PTPRK: variants seen among roughly 807,000 people sequenced by gnomAD.
PTPRK encodes the protein protein tyrosine phosphatase receptor type K.
PTPRK carries 75 observed loss-of-function variants against 178.0 expected under a neutral mutation model. The ratio of observed to expected loss-of-function variants is 0.42; its 90% confidence interval spans 0.35 to 0.51. The LOEUF is 0.51. Ranked by LOEUF, PTPRK falls within the 20% of genes least tolerant of loss-of-function variation. The pLI, the probability that PTPRK is intolerant of heterozygous loss-of-function variation, is 0.02. For synonymous variants in PTPRK, 637 were observed against 620.6 expected (o/e 1.03, Z -0.39); for missense variants, 1,441 against 1,797.8 (o/e 0.80, Z 3.59).
At chr6:128,352,934 AT>A (rs1307433302) in intron 2 of PTPRK, among the ~76,000 whole-genome samples, 1 of 152,162 alleles carries the variant, frequency 6.6e-6, no homozygotes, top group South Asian at 2.1e-4. Context: ...AAAAACTGTC[AT>A]TTTTTACAAA....
At chr6:128,410,116 T>A (rs1842134575) in intron 1 of PTPRK, among the ~76,000 whole-genome samples, 1 of 152,164 alleles carries the variant, frequency 6.6e-6, no homozygotes, top group African/African-American at 2.4e-5. Flanking sequence ...ATGGAGGAAG[T>A]CAGGCTGGAG....
At chr6:128,160,416 A>G (rs1798543299) in intron 7 of PTPRK, among the ~76,000 whole-genome samples, 1 of 151,742 alleles carries the variant, frequency 6.6e-6, no homozygotes, top group South Asian at 2.1e-4. Flanking sequence ...CACGAGATAT[A>G]CTCCCATTAG....
intron 7 of PTPRK, among the ~76,000 whole-genome samples, chr6:128,163,621 G>A (rs1798985338): frequency 6.6e-6 from 1 of 151,420 alleles, no homozygotes; most frequent in African/African-American, 2.4e-5. Context: ...GCAGTCTACT[G>A]AAGCTTAGTC....
intron 3 of PTPRK, among the ~76,000 whole-genome samples, chr6:128,275,178 C>G (rs1285072698): frequency 2.0e-5 from 3 of 151,890 alleles, no homozygotes; most frequent in Non-Finnish European, 2.9e-5. Flanking sequence ...AGACACAAAG[C>G]TACAGTTACT....
chr6:128,006,256 G>A (rs910867486), intron 14 of PTPRK, among the ~76,000 whole-genome samples: 5 of 150,838 alleles, frequency 3.3e-5, no homozygotes, highest in African/African-American at 1.2e-4. Flanking sequence ...AGACAGATAT[G>A]CAATATAAAA....
chr6:128,045,481 T>C (rs769139522), intron 13 of PTPRK, among the ~76,000 whole-genome samples: 1 of 152,038 alleles, frequency 6.6e-6, no homozygotes, highest in Non-Finnish European at 1.5e-5. Context: ...ATTTTGTCCA[T>C]TCTAAGAGGG....
chr6:128,376,746 C>A (rs1837138360), intron 2 of PTPRK, among the ~76,000 whole-genome samples: 1 of 152,174 alleles, frequency 6.6e-6, no homozygotes, highest in Non-Finnish European at 1.5e-5. Context: ...ACCCAAGTCA[C>A]TCTTGAATGC....
intron 3 of PTPRK, among the ~76,000 whole-genome samples, chr6:128,311,540 C>T (rs548071890): frequency 2.0e-5 from 3 of 152,220 alleles, no homozygotes; most frequent in African/African-American, 4.8e-5. Flanking sequence ...GTATGGCTGG[C>T]CCCTTACACA....
chr6:128,495,038 T>G (rs184109352), intron 1 of PTPRK, among the ~76,000 whole-genome samples: 2 of 152,354 alleles, frequency 1.3e-5, no homozygotes. Flanking sequence ...ATATAAGAAT[T>G]TTAAAAATAT....
intron 7 of PTPRK, among the ~76,000 whole-genome samples, chr6:128,110,311 G>A (rs991050826): frequency 5.9e-5 from 9 of 152,094 alleles, no homozygotes; most frequent in South Asian, 2.1e-4. Context: ...TTTACAAAAT[G>A]TCTACATCAA....
chr6:128,024,961 G>A (rs1261192997), intron 13 of PTPRK, among the ~76,000 whole-genome samples: 1 of 144,942 alleles, frequency 6.9e-6, no homozygotes, highest in South Asian at 2.2e-4. Flanking sequence ...GAATATGAGA[G>A]AATAGAATGT....
intron 1 of PTPRK, among the ~76,000 whole-genome samples, chr6:128,409,096 G>A (rs749621933): frequency 2.6e-5 from 4 of 152,228 alleles, no homozygotes; most frequent in South Asian, 4.1e-4. Flanking sequence ...TCCTAGCCAC[G>A]AACTGTTTCA....
rs985866736 is a variant in PTPRK at position 128,272,615 on chromosome 6, G to A, written c.496-30013C>T. On this transcript the variant is annotated intron_variant, in intron 3 of 29. Transcript: ENST00000368226. ...CAACAGACACGTGAAAAAATGCTCA[G>A]CATCACTGGCCCTCAGAGAAATGCA... is the stretch of plus-strand genomic sequence containing the variant. Among the ~76,000 whole-genome samples, 10 of 152,170 alleles carry A rather than the reference G, an allele frequency of 6.6e-5. No individual in the cohort carries two copies. The East Asian group carries it at 1.5e-3, about 24-fold the overall frequency.
intron 13 of PTPRK, among the ~76,000 whole-genome samples, chr6:128,038,447 C>T (rs542148804): frequency 1.8e-4 from 27 of 152,128 alleles, no homozygotes; most frequent in Non-Finnish European, 2.2e-4. Flanking sequence ...TGCTTTCTTC[C>T]ACTTTGATTA....
intron 2 of PTPRK, among the ~76,000 whole-genome samples, chr6:128,375,226 T>G (rs759283778): frequency 6.6e-6 from 1 of 151,860 alleles, no homozygotes; most frequent in African/African-American, 2.4e-5. Flanking sequence ...TTTGTTTTCA[T>G]GCTGCTGATA....
At chr6:128,342,935 TA>T (rs1831875951) in intron 2 of PTPRK, among the ~76,000 whole-genome samples, 1 of 151,596 alleles carries the variant, frequency 6.6e-6, no homozygotes, top group African/African-American at 2.4e-5. Context: ...AAAAAACAAT[TA>T]AAAAATTAAA....
intron 5 of PTPRK, among the ~76,000 whole-genome samples, chr6:128,238,712 T>TTA (rs1465551632): frequency 6.6e-6 from 1 of 152,200 alleles, no homozygotes; most frequent in Non-Finnish European, 1.5e-5. Flanking sequence ...AGGTTGCACA[T>TTA]TATACAACAT....
intron 13 of PTPRK, among the ~76,000 whole-genome samples, chr6:128,058,749 G>A (rs1780323843): frequency 6.6e-6 from 1 of 151,516 alleles, no homozygotes; most frequent in Non-Finnish European, 1.5e-5. Flanking sequence ...TTTTCTGGTG[G>A]AGGATGGTGG....
At chr6:128,002,079 A>G (rs900394960) in intron 15 of PTPRK, among the ~76,000 whole-genome samples, 1 of 151,768 alleles carries the variant, frequency 6.6e-6, no homozygotes, top group Non-Finnish European at 1.5e-5. Flanking sequence ...AGAGATGAAG[A>G]ACATTGACTT....
Sources: allele counts gnomAD v4.1 joint callset (sites outside exome capture counted in the v4.1 genomes callset), GRCh38; gene constraint gnomAD v4.1.1; transcripts MANE v1.5; gene names NCBI Gene and HGNC (gene_info 2026-07-23, HGNC 2026-07-21).